Variants in MOV10L1 observed in about 807,000 individuals in gnomAD.
MOV10L1 encodes the protein Mov10 like RNA helicase 1.
MOV10L1 carries 110 observed loss-of-function variants against 143.8 expected under a neutral mutation model. The ratio of observed to expected loss-of-function variants is 0.76; its 90% CI spans 0.66 to 0.90. The LOEUF (loss-of-function observed/expected upper bound fraction) is 0.90. Ranked by LOEUF, MOV10L1 falls within the 40% of genes least tolerant of loss-of-function variation. The probability of loss-of-function intolerance (pLI) is 0.00; values close to 1 mark genes in which losing one functional copy is unlikely to be tolerated. For missense variants in MOV10L1, 1,406 were observed against 1,526.8 expected (o/e 0.92, Z 1.32); for synonymous variants, 593 against 581.1 (o/e 1.02, Z -0.29).
At position 50,108,837 on chromosome 22, in the gene MOV10L1, A is replaced by T. The variant is rs1266476314; in HGVS notation, c.736A>T (p.Lys246Ter). 1.2e-6 allele frequency: 2 copies of T among 1,613,776 alleles called. No homozygotes were observed. Among genetic ancestry groups the T allele is most frequent in the Non-Finnish European group, 1.7e-6 (2 of 1,179,844 alleles). Residue 246 changes from lysine to a stop codon, truncating the protein, a stop_gained, in exon 5 of 27, where the codon AAG (lysine) becomes TAG (stop). Transcript: ENST00000262794. LOFTEE classifies it high-confidence loss of function. ...GAGGGCACTTTGTATGACCCTAGTG[A>T]AGAGGCGGTAAGAAAATGCTTTTCT... ...VWRALCMTLV[K>*]RRDAAPVHEA...
At chr22:50,116,761 G>T (rs1416899711) in intron 8 of MOV10L1, among the ~76,000 whole-genome samples, 2 of 146,754 alleles carry the variant, frequency 1.4e-5, no homozygotes, top group African/African-American at 5.0e-5. Flanking sequence ...CACCTCCCTA[G>T]GCTCCCACCT....
chr22:50,092,262 T>C, intron 2 of MOV10L1, 77 bp downstream of exon 2: 1 of 1,360,716 alleles, frequency 7.3e-7, no homozygotes. Context: ...GTTTAATCTA[T>C]CAGACATGAC....
chr22:50,134,464 A>T, intron 14 of MOV10L1, 66 bp from the exon 15 acceptor site: 1 of 1,310,618 alleles, frequency 7.6e-7, no homozygotes, highest in Non-Finnish European at 1.1e-6. Flanking sequence ...GCCATAAACA[A>T]CCTCTATTAA....
rs538103518 is a variant in MOV10L1, at chr22:50,159,169, G to A, written c.3217-509G>A. The A allele has an allele frequency of 1.3e-5, 2 of 152,304 alleles. No individual in the cohort carries two copies. The highest frequency in any genetic ancestry group is 1.9e-4 in the East Asian group (1 of 5,184). The allele number at this position is 152,304 out of a possible 1,614,324, so 9.4% of individuals were successfully genotyped here. ...ACATGAAACTTGGCTTTCCTAGTAA[G>A]CATTGTCCCCCGTCCCCAGTTTAAC... is the stretch of plus-strand genomic sequence containing the variant. On this transcript the variant is annotated intron_variant, in intron 23 of 26. Transcript: ENST00000262794. This position sits in a 1 kb window ranked among gnomAD's most constrained non-coding sequence, Gnocchi z 4.1.
At chr22:50,124,961 C>A (rs938890589) in intron 10 of MOV10L1, among the ~76,000 whole-genome samples, 1 of 152,214 alleles carries the variant, frequency 6.6e-6, no homozygotes, top group East Asian at 1.9e-4. Flanking sequence ...TTTCTTATTT[C>A]TCTGTCTCTT....
chr22:50,108,615 T>C, intron 4 of MOV10L1, 42 bp from the exon 5 acceptor site: 1 of 1,606,538 alleles, frequency 6.2e-7, no homozygotes, highest in Non-Finnish European at 8.5e-7. Flanking sequence ...CCTGTCGTCA[T>C]GCAGCATCTG....
intron 13 of MOV10L1, among the ~76,000 whole-genome samples, chr22:50,129,728 A>G (rs146861824): frequency 7.9e-5 from 12 of 152,254 alleles, no homozygotes; most frequent in South Asian, 2.1e-4. Context: ...AATTGGTGCC[A>G]GTCTGGTAGG....
At chr22:50,125,991 G>A (rs1402597900) in intron 11 of MOV10L1, among the ~76,000 whole-genome samples, 1 of 150,376 alleles carries the variant, frequency 6.6e-6, no homozygotes, top group African/African-American at 2.4e-5. Flanking sequence ...ATGAGGTTTC[G>A]CCGTGTTAGC....
chr22:50,115,317 A>T (rs1435007156), intron 8 of MOV10L1, 71 bp downstream of exon 8: 1 of 1,415,582 alleles, frequency 7.1e-7, no homozygotes, highest in Non-Finnish European at 9.2e-7. Flanking sequence ...GGGTGTTATA[A>T]AAGGTACTCC....
intron 13 of MOV10L1, among the ~76,000 whole-genome samples, 184 bp from the exon 14 acceptor site, chr22:50,133,823 C>T (rs1159793505): frequency 2.6e-5 from 4 of 152,250 alleles, no homozygotes; most frequent in Non-Finnish European, 2.9e-5. Flanking sequence ...GGATTACACA[C>T]GTGAGCCACC....
intron 1 of MOV10L1, 54 bp downstream of exon 1, chr22:50,090,239 A>G: frequency 7.1e-7 from 1 of 1,404,008 alleles, no homozygotes. Context: ...CGTGTCGGCC[A>G]CGAGGGAGCC....
At chr22:50,114,312 T>A in intron 6 of MOV10L1, 69 bp from the exon 7 acceptor site, 1 of 1,558,638 alleles carries the variant, frequency 6.4e-7, no homozygotes, top group Non-Finnish European at 8.8e-7. Context: ...AGGTTTTGTG[T>A]TTTATGATAA....
At chr22:50,134,661 C>A (rs201318419) in intron 15 of MOV10L1, 31 bp downstream of exon 15, 1 of 1,590,224 alleles carries the variant, frequency 6.3e-7, no homozygotes. Flanking sequence ...TTTCTCTACA[C>A]AGGGGATGGC....
At chr22:50,108,035 A>C (rs1275874464) in intron 3 of MOV10L1, 101 bp from the exon 4 acceptor site, 1 of 1,065,100 alleles carries the variant, frequency 9.4e-7, no homozygotes, top group Non-Finnish European at 1.4e-6. Context: ...TAAATGTTCA[A>C]ATGTATCCTC....
chr22:50,142,864 T>G (rs902687618), intron 16 of MOV10L1, among the ~76,000 whole-genome samples, 179 bp from the exon 17 acceptor site: 1 of 151,588 alleles, frequency 6.6e-6, no homozygotes, highest in Non-Finnish European at 1.5e-5. Flanking sequence ...GCAAACAGAT[T>G]ATTAAGAGGA....
At chr22:50,141,760 C>T (rs772857754) in intron 15 of MOV10L1, among the ~76,000 whole-genome samples, 15 of 152,102 alleles carry the variant, frequency 9.9e-5, no homozygotes, top group Admixed American at 5.9e-4. Context: ...CCCCACTGTC[C>T]AGCCTGGAAA....
rs551043185 is a variant in MOV10L1 at position 50,117,179 on chromosome 22, C to T, written c.1282C>T (p.Leu428Phe). Reference sequence around the variant, plus strand: ...AAGAAATCCTGGCCGCTGCAAGGAGCTCCTTTTGCTCTGTTTTTCCGATTT... The same window carrying T: ...AAGAAATCCTGGCCGCTGCAAGGAGTTCCTTTTGCTCTGTTTTTCCGATTT... ...DGKNPGRCKE[L>F]LLLCFSDFLI... Residue 428 changes from leucine to phenylalanine, a missense_variant, in exon 9 of 27, where the codon CTC (leucine) becomes TTC (phenylalanine). Physicochemically the swap from Leu to Phe is conservative, Grantham distance 22. Around this residue, in one of 3 missense-constraint regions of MOV10L1, gnomAD observed 1,233 missense variants for 1,351.4 expected, o/e 0.91. Coordinates refer to ENST00000262794, the MANE Select transcript of MOV10L1 (RefSeq NM_018995.3). The T allele has an allele frequency of 1.2e-6, 2 of 1,607,592 alleles. No homozygotes were observed. Among genetic ancestry groups the T allele is most frequent in the African/African-American group, 2.7e-5 (2 of 74,670 alleles).
At chr22:50,100,960 C>G (rs1602132923) in intron 3 of MOV10L1, among the ~76,000 whole-genome samples, 2 of 152,220 alleles carry the variant, frequency 1.3e-5, no homozygotes, top group African/African-American at 4.8e-5. Context: ...GAGCTGGACT[C>G]CATACTCAGG....
rs745848199 is a variant in MOV10L1 at position 50,152,997 on chromosome 22, G to A, written c.2893-48G>A. 22 of 1,538,004 alleles carry A rather than the reference G, an allele frequency of 1.4e-5. No individual in the cohort carries two copies. The highest frequency in any genetic ancestry group is 1.9e-5 in the Non-Finnish European group (21 of 1,131,360). ...AGCCGCTTTTCGTTCGACAGAAACT[G>A]TGCCGGGTACCACCTTCCCCTTGTG... On this transcript the variant is annotated intron_variant, in intron 21 of 26. Coordinates refer to ENST00000262794, the MANE Select transcript of MOV10L1 (RefSeq NM_018995.3). This position sits in a 1 kb window ranked among gnomAD's most constrained non-coding sequence, Gnocchi z 4.4.
Sources: allele counts gnomAD v4.1 joint callset (sites outside exome capture counted in the v4.1 genomes callset), GRCh38; gene constraint gnomAD v4.1.1; regional missense constraint gnomAD v4.1.1; non-coding constraint Gnocchi (gnomAD v3.1); transcripts MANE v1.5; gene names NCBI Gene and HGNC (gene_info 2026-07-23, HGNC 2026-07-21).